Variants in SLC26A9 observed in about 807,000 individuals in gnomAD.
SLC26A9 encodes anion transporter/exchanger protein 9.
A neutral mutation model predicts 87.1 loss-of-function variants in SLC26A9; 46 were observed. That is an observed-to-expected ratio of 0.53 (90% CI 0.42 to 0.67). SLC26A9 has a LOEUF of 0.67. Among genes scored for constraint, SLC26A9 ranks in the 30% least tolerant of loss-of-function variants. The pLI is 0.00. For synonymous variants in SLC26A9, 437 were observed against 409.1 expected (o/e 1.07, Z -0.82); for missense variants, 927 against 1,018.3 (o/e 0.91, Z 1.22).
intron 18 of SLC26A9, among the ~76,000 whole-genome samples, chr1:205,919,912 T>C (rs1020562000): frequency 6.6e-6 from 1 of 152,156 alleles, no homozygotes; most frequent in Non-Finnish European, 1.5e-5. Context: ...AAATTAGTTA[T>C]GGGGTAGATT....
At chr1:205,924,530 A>C in intron 12 of SLC26A9, 41 bp from the exon 13 acceptor site, 1 of 1,590,122 alleles carries the variant, frequency 6.3e-7, no homozygotes, top group Non-Finnish European at 8.6e-7. Context: ...TGGGGAAAAA[A>C]CAACCTCTTT....
intron 1 of SLC26A9, among the ~76,000 whole-genome samples, chr1:205,938,219 G>T (rs1659598115): frequency 6.7e-6 from 1 of 149,774 alleles, no homozygotes; most frequent in Non-Finnish European, 1.5e-5. Context: ...TCCATATTCA[G>T]TTGTTCATCA....
At chr1:205,932,187 C>A in intron 4 of SLC26A9, 152 bp from the exon 5 acceptor site, 1 of 898,102 alleles carries the variant, frequency 1.1e-6, no homozygotes, top group Non-Finnish European at 1.7e-6. Flanking sequence ...ACCACTCACT[C>A]TAACCATGAT....
chr1:205,918,946 T>C lies in SLC26A9; in HGVS notation c.2150A>G (p.Glu717Gly). The C allele has an allele frequency of 6.2e-7, 1 of 1,614,166 alleles. No homozygotes were observed. Among genetic ancestry groups the C allele is most frequent in the South Asian group, 1.1e-5 (1 of 91,082 alleles). ...GTGCTTGCATTCTAGACTCCCATCC[T>C]CAAAGACGCCTCCATGGCTAATGTC... The part of the protein sequence containing the change: ...YNDISHGGVF[E>G]DGSLECKHVF... The change falls in exon 19 of 21, where the codon GAG becomes GGG. Residue 717 changes from glutamate (E) to glycine (G), a missense_variant. By Grantham distance (98) the Glu-to-Gly change is moderately conservative (BLOSUM62 -2). Coordinates refer to ENST00000367135, the MANE Select transcript of SLC26A9 (RefSeq NM_052934.4).
rs750278504 is a variant in SLC26A9, at chr1:205,924,348, A to C, written c.1496+35T>G. On this transcript the variant is annotated intron_variant, in intron 13 of 20. Transcript: ENST00000367135. ...CTTTGCGGGCTGGCCCAGGGAACCG[A>C]CTGTGGGCCTAGGAGGGCGGAAGCT... The C allele has an allele frequency of 3.8e-6, 6 of 1,599,034 alleles. No homozygotes were observed. The East Asian group carries it at 1.1e-4, about 30-fold the overall frequency.
chr1:205,933,165 CT>C, intron 2 of SLC26A9, 81 bp from the exon 3 acceptor site: 1 of 1,555,748 alleles, frequency 6.4e-7, no homozygotes, highest in Non-Finnish European at 8.8e-7. Context: ...TCATATCCTG[CT>C]CATTTCATTC....
chr1:205,931,465 G>GTTTTTTTTTATTTTTT (rs1659301135), intron 5 of SLC26A9, among the ~76,000 whole-genome samples: 1 of 96,012 alleles, frequency 1.0e-5, no homozygotes, highest in Non-Finnish European at 2.0e-5. Flanking sequence ...CCCTAACTTG[G>GTTTTTTTTTATTTTTT]TTTTTTTTTT....
chr1:205,927,138 G>A (rs1296706453), intron 11 of SLC26A9, 73 bp downstream of exon 11: 35 of 1,515,560 alleles, frequency 2.3e-5, no homozygotes, highest in South Asian at 1.0e-4. Flanking sequence ...GGTCCGTAAA[G>A]TGCCACACAA....
chr1:205,928,281 C>A, intron 8 of SLC26A9: 2 of 570,118 alleles, frequency 3.5e-6, no homozygotes, highest in Non-Finnish European at 3.1e-6. Context: ...CCAAGGTCCC[C>A]GGGCCAGTAT....
At chr1:205,924,323 C>T in intron 13 of SLC26A9, 60 bp downstream of exon 13, 1 of 1,525,270 alleles carries the variant, frequency 6.6e-7, no homozygotes, top group Non-Finnish European at 9.1e-7. Context: ...CATGGAAGCC[C>T]TTTGCGGGCT....
At chr1:205,936,001 C>T (rs1046194695) in intron 1 of SLC26A9, among the ~76,000 whole-genome samples, 163 bp from the exon 2 acceptor site, 2 of 152,198 alleles carry the variant, frequency 1.3e-5, no homozygotes, top group African/African-American at 2.4e-5. Context: ...TTCCGTCAGA[C>T]TCCCTGCTCG....
intron 7 of SLC26A9, 120 bp from the exon 8 acceptor site, chr1:205,929,029 G>C (rs1327170175): frequency 1.4e-6 from 2 of 1,452,454 alleles, no homozygotes; most frequent in African/African-American, 2.8e-5. Context: ...TCCTTAGGGG[G>C]AATTATTAGA....
At chr1:205,924,566 G>T in intron 12 of SLC26A9, 77 bp from the exon 13 acceptor site, 2 of 1,320,476 alleles carry the variant, frequency 1.5e-6, no homozygotes, top group Non-Finnish European at 2.1e-6. Context: ...GATTAGCCAA[G>T]GCCATTCTCT....
At chr1:205,919,537 G>A (rs1658734578) in intron 18 of SLC26A9, among the ~76,000 whole-genome samples, 1 of 152,080 alleles carries the variant, frequency 6.6e-6, no homozygotes, top group African/African-American at 2.4e-5. Context: ...TGCTGGAGGG[G>A]GTCTGACCCA....
In SLC26A9 at chr1:205,932,713, T is replaced by TGGG. The variant is rs1277829675; in HGVS notation, c.364_365insCCC (p.His121_Gln122insPro). On this transcript the variant is annotated inframe_insertion, in exon 4 of 21. Transcript: ENST00000367135. Reference sequence around the variant, plus strand: ...GGGAGAGGCCTTACCTGGCACCATCTGGTGAACACCCCCCAGGAAGAAGTA... The same window carrying TGGG: ...GGGAGAGGCCTTACCTGGCACCATCTGGGGGTGAACACCCCCCAGGAAGAAGTA... 6.4e-7 allele frequency: 1 copy of TGGG among 1,573,382 alleles called. No homozygotes were observed. The highest frequency in any genetic ancestry group is 1.4e-5 in the African/African-American group (1 of 73,776).
At position 205,915,098 on chromosome 1, in the gene SLC26A9, C is replaced by T. The variant is rs34309781; in HGVS notation, c.*259G>A. 35 of 1,613,946 alleles carry T rather than the reference C, an allele frequency of 2.2e-5. No homozygotes were observed. The highest frequency in any genetic ancestry group is 3.3e-4 in the Middle Eastern group (2 of 6,062). Reference sequence around the variant, plus strand: ...GAGTGAGCAGGAGGCTTGTCCATTGCGGCCAGGGCCTGACGGGTGAAGAGT... The same window carrying T: ...GAGTGAGCAGGAGGCTTGTCCATTGTGGCCAGGGCCTGACGGGTGAAGAGT... On this transcript the variant is annotated 3_prime_UTR_variant, in exon 21 of 21. Coordinates refer to ENST00000367135, the MANE Select transcript of SLC26A9 (RefSeq NM_052934.4).
chr1:205,924,573 C>T, intron 12 of SLC26A9, 84 bp from the exon 13 acceptor site: 1 of 1,173,594 alleles, frequency 8.5e-7, no homozygotes, highest in Non-Finnish European at 1.2e-6. Flanking sequence ...CAAGGCCATT[C>T]TCTGTTAGTA....
chr1:205,923,485 A>C, intron 14 of SLC26A9, 58 bp from the exon 15 acceptor site: 1 of 1,613,894 alleles, frequency 6.2e-7, no homozygotes, highest in Non-Finnish European at 8.5e-7. Context: ...TTTAAAAAGC[A>C]ACCTCTTCTT....
intron 1 of SLC26A9, among the ~76,000 whole-genome samples, chr1:205,937,842 G>T (rs1246035745): frequency 2.0e-5 from 3 of 151,678 alleles, no homozygotes; most frequent in African/African-American, 7.3e-5. Context: ...TTCAGAAAAA[G>T]ACTCATGGTT....
Sources: allele counts gnomAD v4.1 joint callset (sites outside exome capture counted in the v4.1 genomes callset), GRCh38; gene constraint gnomAD v4.1.1; transcripts MANE v1.5; gene names NCBI Gene and HGNC (gene_info 2026-07-23, HGNC 2026-07-21).